The following ITGB3 variants were observed in gnomAD, a reference collection of about 807,000 sequenced individuals.
ITGB3 encodes the protein integrin subunit beta 3.
ITGB3 carries 48 observed loss-of-function variants against 85.8 expected under a neutral mutation model. The ratio of observed to expected loss-of-function variants is 0.56; its 90% CI spans 0.44 to 0.71. ITGB3 has a LOEUF of 0.71. Among genes scored for constraint, ITGB3 ranks in the 30% least tolerant of loss-of-function variants. The pLI is 0.00. For missense variants in ITGB3, 861 were observed against 1,019.1 expected, an observed-to-expected ratio of 0.84 and a Z score of 2.11; for synonymous variants, 363 against 395.6, an observed-to-expected ratio of 0.92 and a Z score of 0.98.
At position 47,310,144 on chromosome 17, in the gene ITGB3, C is replaced by G. The variant is rs1567771712; in HGVS notation, c.2307C>G (p.Asn769Lys). 1 of 1,613,970 alleles carries G rather than the reference C, an allele frequency of 6.2e-7. No individual in the cohort carries two copies. The highest frequency in any genetic ancestry group is 2.2e-5 in the East Asian group (1 of 44,874). ...ERARAKWDTA[N>K]NPLYKEATST... The stretch of plus-strand genomic sequence containing the variant: ...CTATTCTGTTTCCTCCACAGGCCAA[C>G]AACCCACTGTATAAAGAGGCCACGT... The change falls in exon 15 of 15, where the codon AAC becomes AAG. Residue 769 changes from asparagine (N) to lysine (K), a missense_variant. Transcript: ENST00000559488.
intron 1 of ITGB3, among the ~76,000 whole-genome samples, chr17:47,266,359 C>A (rs556542787): frequency 1.3e-5 from 2 of 152,334 alleles, no homozygotes; most frequent in African/African-American, 4.8e-5. Flanking sequence ...GTCCAGCATC[C>A]TGTCTCACTG....
At chr17:47,300,343 G>GCGCGCGCGCGCGCGCA (rs2065161914) in intron 11 of ITGB3, 135 bp from the exon 12 acceptor site, 2 of 708,088 alleles carry the variant, frequency 2.8e-6, no homozygotes, top group African/African-American at 3.7e-5. Context: ...AGGCGCGCGC[G>GCGCGCGCGCGCGCGCA]CGCGTGTGTG....
chr17:47,310,265 A>G lies in ITGB3; in HGVS notation c.*61A>G, dbSNP rs762714810. On this transcript the variant is annotated 3_prime_UTR_variant, in exon 15 of 15. Transcript: ENST00000559488. The stretch of plus-strand genomic sequence containing the variant: ...TGCCACGATTGCAGGAGTCCCTGCC[A>G]TCATGTTTACAGAGGACAGTATTTG... 5.3e-6 allele frequency: 8 copies of G among 1,498,474 alleles called. No individual in the cohort carries two copies. The highest frequency in any genetic ancestry group is 1.7e-5 in the Admixed American group (1 of 59,578). The allele number at this position is 1,498,474 out of a possible 1,614,324, so 92.8% of individuals were successfully genotyped here. A position where few individuals can be genotyped will look rare whatever the true frequency, so the allele number is the denominator to read the frequency against.
Position 47,312,021 on chromosome 17 carries a change from T to A in ITGB3, c.*1817T>A, listed in dbSNP as rs776553854. Among the ~76,000 whole-genome samples, 8 of 152,220 alleles carry A rather than the reference T, an allele frequency of 5.3e-5. No individual in the cohort carries two copies. The highest frequency in any genetic ancestry group is 1.0e-4 in the Non-Finnish European group (7 of 68,032). On this transcript the variant is annotated 3_prime_UTR_variant, in exon 15 of 15. Transcript: ENST00000559488. ...TGTGCGGTTAAGATTCTCTGGGATATTGATACTGTTTGTGTTTTTAGTTGG... is the reference window on the plus strand; with the variant it reads ...TGTGCGGTTAAGATTCTCTGGGATAATGATACTGTTTGTGTTTTTAGTTGG...
intron 13 of ITGB3, among the ~76,000 whole-genome samples, chr17:47,303,244 T>C (rs1334082533): frequency 6.6e-6 from 1 of 151,880 alleles, no homozygotes; most frequent in Non-Finnish European, 1.5e-5. Context: ...AGTGAGACTC[T>C]GTCTCAAAAA....
At chr17:47,273,329 A>C (rs571148664) in intron 1 of ITGB3, among the ~76,000 whole-genome samples, 4 of 152,324 alleles carry the variant, frequency 2.6e-5, no homozygotes, top group African/African-American at 9.6e-5. Flanking sequence ...TGTCAGGGTA[A>C]CTGGGTCATG....
At position 47,289,342 on chromosome 17, in the gene ITGB3, T is replaced by C. The variant is rs193168598; in HGVS notation, c.940-339T>C. On this transcript the variant is annotated intron_variant, in intron 6 of 14. Coordinates refer to ENST00000559488, the MANE Select transcript of ITGB3 (RefSeq NM_000212.3). ...CTCACTGTCACCCCCCTTTTTTTTT[T>C]AGAGACAGAGTCTTGCTCTGCTGCC... Among the ~76,000 whole-genome samples, 38 of 152,094 alleles carry C rather than the reference T, an allele frequency of 2.5e-4. No homozygotes were observed. The East Asian group carries it at 4.1e-3, about 16-fold the overall frequency.
At position 47,308,515 on chromosome 17, in the gene ITGB3, C is replaced by CT. The variant is rs563478885; in HGVS notation, c.2301+887dup. On this transcript the variant is annotated intron_variant, in intron 14 of 14. Coordinates refer to ENST00000559488, the MANE Select transcript of ITGB3 (RefSeq NM_000212.3). ...GGCCCACAGGAATGTGTTTCTTTCTCTTTTTTTTTGGAGACAGAGTCTTGC... is the reference window on the plus strand; with the variant it reads ...GGCCCACAGGAATGTGTTTCTTTCTCTTTTTTTTTTGGAGACAGAGTCTTGC... 3.7e-3 allele frequency among the ~76,000 whole-genome samples: 556 copies of CT among 151,078 alleles called. 5 individuals are homozygous for CT. The highest frequency in any genetic ancestry group is 8.2e-3 in the South Asian group (39 of 4,770).
At chr17:47,287,283 C>A in intron 6 of ITGB3, 52 bp downstream of exon 6, 1 of 1,599,846 alleles carries the variant, frequency 6.3e-7, no homozygotes, top group South Asian at 1.1e-5. Flanking sequence ...TGAGGGTTGC[C>A]CTAATCTAGG....
At chr17:47,275,443 G>C (rs1467681487) in intron 2 of ITGB3, among the ~76,000 whole-genome samples, 1 of 152,184 alleles carries the variant, frequency 6.6e-6, no homozygotes, top group Non-Finnish European at 1.5e-5. Flanking sequence ...GGTGATTATA[G>C]AGTCTCAGGC....
rs373450805 is a variant in ITGB3, at chr17:47,302,791, C to T, written c.2085C>T (p.Tyr695=). 4.5e-5 allele frequency: 73 copies of T among 1,613,888 alleles called. No individual in the cohort carries two copies. Among genetic ancestry groups the T allele is most frequent in the Non-Finnish European group, 5.9e-5 (70 of 1,179,878 alleles). ...NEDDCVVRFQ[Y]YEDSSGKSIL... is the part of the protein sequence containing the mutation. ...ATGACTGTGTCGTCAGATTCCAGTA[C>T]TATGAAGATTCTAGTGGAAAGTCCA... Residue 695 remains tyrosine (Y), a synonymous_variant, in exon 13 of 15, where the codon TAC becomes TAT. Transcript: ENST00000559488.
In ITGB3 at chr17:47,307,568, C is replaced by T. The variant is rs533751929; in HGVS notation, c.2232C>T (p.Leu744=). ...GLAALLIWKL[L]ITIHDRKEFA... is the part of the protein sequence containing the mutation. ...CCGCCCTGCTCATCTGGAAACTCCT[C>T]ATCACCATCCACGACCGAAAAGAAT... The change falls in exon 14 of 15, where the codon CTC becomes CTT. Residue 744 remains leucine (L), a synonymous_variant. Transcript: ENST00000559488. 9.0e-5 allele frequency: 146 copies of T among 1,614,212 alleles called. 1 individual carries two copies. The South Asian group carries it at 1.4e-3, about 16-fold the overall frequency.
chr17:47,283,928 C>T (rs904796903), intron 3 of ITGB3, among the ~76,000 whole-genome samples: 6 of 152,182 alleles, frequency 3.9e-5, no homozygotes, highest in Non-Finnish European at 7.4e-5. Flanking sequence ...GTAAGCCCCC[C>T]TTTCATGGGG....
intron 2 of ITGB3, among the ~76,000 whole-genome samples, chr17:47,280,646 C>T (rs765563729): frequency 7.2e-5 from 11 of 152,164 alleles, no homozygotes; most frequent in African/African-American, 1.7e-4. Context: ...CATGAGTCAT[C>T]GCACCCGGCC....
In ITGB3 at chr17:47,284,538, G is replaced by T; in HGVS notation, c.457G>T (p.Asp153Tyr). 1 of 1,614,178 alleles carries T rather than the reference G, an allele frequency of 6.2e-7. No homozygotes were observed. Among genetic ancestry groups the T allele is most frequent in the Non-Finnish European group, 8.5e-7 (1 of 1,180,034 alleles). Residue 153 changes from aspartate (D) to tyrosine (Y), a missense_variant, in exon 4 of 15, where the codon GAT becomes TAT. Transcript: ENST00000559488. ...LMDLSYSMKD[D>Y]LWSIQNLGTK... ...GGACCTGTCTTACTCCATGAAGGAT[G>T]ATCTGTGGAGCATCCAGAACCTGGG... is the stretch of plus-strand genomic sequence containing the variant.
rs559135259 is a variant in ITGB3 at position 47,299,928 on chromosome 17, G to T, written c.1913+398G>T. 6.6e-6 allele frequency among the ~76,000 whole-genome samples: 1 copy of T among 152,308 alleles called. No homozygotes were observed. Among genetic ancestry groups the T allele is most frequent in the South Asian group, 2.1e-4 (1 of 4,828 alleles). ...CCTCCCACTTTAGGGGCCAGAGGAA[G>T]CCCCATCAGCCTGAGTCCATGGCAC... On this transcript the variant is annotated intron_variant, in intron 11 of 14. Coordinates refer to ENST00000559488, the MANE Select transcript of ITGB3 (RefSeq NM_000212.3). This position sits in a 1 kb window ranked among gnomAD's most constrained non-coding sequence, Gnocchi z 5.1.
At chr17:47,286,165 C>A in intron 4 of ITGB3, 95 bp from the exon 5 acceptor site, 5 of 1,410,342 alleles carry the variant, frequency 3.5e-6, no homozygotes, top group Non-Finnish European at 4.0e-6. Context: ...CCTTGGCATA[C>A]CACTATCTAT....
chr17:47,254,134 T>A (rs561753436), intron 1 of ITGB3, among the ~76,000 whole-genome samples, 194 bp downstream of exon 1: 1 of 151,772 alleles, frequency 6.6e-6, no homozygotes, highest in African/African-American at 2.4e-5. Flanking sequence ...GGCTGAGAGG[T>A]GCCTGGTGCC....
Position 47,283,532 on chromosome 17 carries a change from C to T in ITGB3, c.344C>T (p.Ala115Val). 6.2e-7 allele frequency: 1 copy of T among 1,614,192 alleles called. No individual in the cohort carries two copies. The highest frequency in any genetic ancestry group is 8.5e-7 in the Non-Finnish European group (1 of 1,180,030). Residue 115 changes from alanine to valine, a missense_variant, in exon 3 of 15, where the codon GCA becomes GTA. By Grantham distance (64) the Ala-to-Val change is moderately conservative (BLOSUM62 0). Transcript: ENST00000559488. ...ACTCAAGTCAGTCCCCAGAGGATTG[C>T]ACTCCGGCTCCGGCCAGGTAGGGCT... The part of the protein sequence containing the change: ...QVTQVSPQRI[A>V]LRLRPDDSKN...
Sources: gnomAD v4.1 joint callset for allele counts (sites outside exome capture counted in the v4.1 genomes callset) on GRCh38, gnomAD v4.1.1 for gene constraint, Gnocchi (gnomAD v3.1) non-coding constraint, MANE v1.5 for transcripts, NCBI Gene and HGNC (gene_info 2026-07-23, HGNC 2026-07-21) for gene names.